The following ACTN2 variants were observed in gnomAD, a reference collection of about 807,000 sequenced individuals.
The protein encoded by ACTN2 is actinin alpha 2.
Under a neutral mutation model 113.8 loss-of-function variants are expected in ACTN2, and 39 were observed. The ratio of observed to expected loss-of-function variants is 0.34; its 90% CI spans 0.27 to 0.45. The LOEUF (loss-of-function observed/expected upper bound fraction) is 0.45. Ranked by LOEUF, ACTN2 falls within the 20% of genes least tolerant of loss-of-function variation. The probability of loss-of-function intolerance (pLI) is 1.00; values close to 1 mark genes in which losing one functional copy is unlikely to be tolerated. For synonymous variants in ACTN2, 429 were observed against 444.1 expected, an observed-to-expected ratio of 0.97 and a Z score of 0.43; for missense variants, 992 against 1,177.9, an observed-to-expected ratio of 0.84 and a Z score of 2.31.
chr1:236,699,396 T>C (rs1657609400), intron 1 of ACTN2, among the ~76,000 whole-genome samples: 1 of 152,168 alleles, frequency 6.6e-6, no homozygotes, highest in South Asian at 2.1e-4. Flanking sequence ...AGGAGTTGCA[T>C]TGTCCAACAG....
chr1:236,737,296 G>GGTAT lies in ACTN2; in HGVS notation c.876+83_876+84insTATG. On this transcript the variant is annotated intron_variant, in intron 9 of 20. Transcript: ENST00000366578. ...AGAGGGTGAAAAAATACTCCGTGGGGGCATATATATATATATATATATTTT... is the reference window on the plus strand; with the variant it reads ...AGAGGGTGAAAAAATACTCCGTGGGGGTATGCATATATATATATATATATATTTT... 7 of 388,074 alleles carry GGTAT rather than the reference G, an allele frequency of 1.8e-5. 1 individual carries two copies. The East Asian group carries it at 3.4e-4, about 19-fold the overall frequency. The allele number at this position is 388,074 out of a possible 1,614,324, so 24.0% of individuals were successfully genotyped here. A position where few individuals can be genotyped will look rare whatever the true frequency, so the allele number is the denominator to read the frequency against.
chr1:236,692,501 G>A (rs1283922524), intron 1 of ACTN2, among the ~76,000 whole-genome samples: 1 of 152,150 alleles, frequency 6.6e-6, no homozygotes, highest in Non-Finnish European at 1.5e-5. Context: ...GGAGGGAGAG[G>A]TGGAATTGTA....
At chr1:236,701,203 C>T (rs577880890) in intron 1 of ACTN2, among the ~76,000 whole-genome samples, 2 of 152,184 alleles carry the variant, frequency 1.3e-5, no homozygotes, top group Non-Finnish European at 2.9e-5. Flanking sequence ...TGAGGACATA[C>T]ACAGGCAGCC....
chr1:236,691,008 G>A (rs1234826181), intron 1 of ACTN2, among the ~76,000 whole-genome samples: 2 of 147,824 alleles, frequency 1.4e-5, no homozygotes, highest in African/African-American at 2.5e-5. Context: ...TGTGATCTCA[G>A]CTCACTGCAG....
At chr1:236,725,375 C>G (rs1453359983) in intron 4 of ACTN2, among the ~76,000 whole-genome samples, 2 of 152,118 alleles carry the variant, frequency 1.3e-5, no homozygotes, top group African/African-American at 4.8e-5. Flanking sequence ...CACCTAAAAT[C>G]CCAGCACTTT....
chr1:236,753,830 C>T (rs1242709085), intron 15 of ACTN2, 117 bp from the exon 16 acceptor site: 3 of 1,214,638 alleles, frequency 2.5e-6, no homozygotes, highest in Non-Finnish European at 3.6e-6. Flanking sequence ...CACCCTCCTC[C>T]CTTCGTTTCT....
intron 1 of ACTN2, among the ~76,000 whole-genome samples, chr1:236,716,874 A>T (rs1658233425): frequency 2.5e-5 from 3 of 119,806 alleles, no homozygotes; most frequent in African/African-American, 9.7e-5. Context: ...TCACTCTGTC[A>T]CCCAGACTGG....
intron 15 of ACTN2, among the ~76,000 whole-genome samples, chr1:236,752,547 G>A (rs996896805): frequency 1.2e-4 from 18 of 151,708 alleles, no homozygotes; most frequent in African/African-American, 3.9e-4. Flanking sequence ...TTTATTTTTC[G>A]TTTTTATTAT....
intron 12 of ACTN2, among the ~76,000 whole-genome samples, chr1:236,745,010 C>G (rs947871577): frequency 2.0e-5 from 3 of 152,168 alleles, no homozygotes; most frequent in Non-Finnish European, 4.4e-5. Context: ...ACAGGCAGCT[C>G]CGCTTCCAGC....
intron 9 of ACTN2, 52 bp from the exon 10 acceptor site, chr1:236,739,250 G>T (rs1337157511): frequency 2.5e-6 from 4 of 1,573,992 alleles, no homozygotes; most frequent in Admixed American, 1.7e-5. Context: ...TTTTTAACTG[G>T]GGGAGGGGGC....
intron 1 of ACTN2, among the ~76,000 whole-genome samples, chr1:236,715,920 C>T (rs1256002094): frequency 3.3e-5 from 5 of 152,062 alleles, no homozygotes; most frequent in Admixed American, 6.6e-5. Flanking sequence ...CATGCCACTG[C>T]ACTCCAGCCT....
intron 1 of ACTN2, among the ~76,000 whole-genome samples, chr1:236,696,952 G>A (rs373586478): frequency 2.2e-4 from 32 of 147,452 alleles, no homozygotes; most frequent in African/African-American, 7.0e-4. Flanking sequence ...ATGAGCCACC[G>A]TGCCCGGCCA....
rs749218263 is a variant in ACTN2 at position 236,757,531 on chromosome 1, A to G, written c.2200A>G (p.Thr734Ala). The change falls in exon 18 of 21, where the codon ACC becomes GCC. Residue 734 changes from threonine to alanine, a missense_variant. This residue lies in a region of ACTN2 where 736 missense variants were observed against 815.4 expected (regional missense o/e 0.90). Transcript: ENST00000366578. The part of the protein sequence containing the change: ...WELLLTTIAR[T>A]INEVETQILT... ...GCTGCTGCTGACAACCATCGCCAGA[A>G]CCATCAATGAGGTGGAGACTCAGAT... is the stretch of plus-strand genomic sequence containing the variant. The G allele has an allele frequency of 1.9e-6, 3 of 1,614,156 alleles. No individual in the cohort carries two copies. The East Asian group carries it at 6.7e-5, about 36-fold the overall frequency.
At chr1:236,736,080 C>T (rs909562934) in intron 8 of ACTN2, among the ~76,000 whole-genome samples, 3 of 152,216 alleles carry the variant, frequency 2.0e-5, no homozygotes, top group Non-Finnish European at 4.4e-5. Flanking sequence ...CCAACCCGGC[C>T]TTGTTCTCTG....
intron 10 of ACTN2, 81 bp from the exon 11 acceptor site, chr1:236,742,815 T>A (rs972196609): frequency 7.1e-6 from 11 of 1,556,284 alleles, no homozygotes; most frequent in Middle Eastern, 3.5e-4. Context: ...GTGGAGGGAT[T>A]TATAGAAGAA....
chr1:236,740,293 T>C (rs998133684), intron 10 of ACTN2, among the ~76,000 whole-genome samples: 11 of 151,840 alleles, frequency 7.2e-5, no homozygotes, highest in Non-Finnish European at 1.5e-4. Flanking sequence ...TTTGTATTTT[T>C]AGTAGAGAAG....
At chr1:236,720,815 A>T (rs1006731211) in intron 4 of ACTN2, among the ~76,000 whole-genome samples, 3 of 152,062 alleles carry the variant, frequency 2.0e-5, no homozygotes, top group African/African-American at 7.2e-5. Context: ...TGGCATTCTT[A>T]AAATTGGAAC....
chr1:236,690,789 A>AT (rs1666051654), intron 1 of ACTN2, among the ~76,000 whole-genome samples: 1 of 152,196 alleles, frequency 6.6e-6, no homozygotes, highest in African/African-American at 2.4e-5. Context: ...CATTTTAATC[A>AT]TAAGTGTACA....
chr1:236,740,897 C>G (rs1459977584), intron 10 of ACTN2, among the ~76,000 whole-genome samples: 1 of 152,134 alleles, frequency 6.6e-6, no homozygotes, highest in Non-Finnish European at 1.5e-5. Context: ...GTTTCTTCCT[C>G]CTTCACCAGC....
Sources: gnomAD v4.1 joint callset for allele counts (sites outside exome capture counted in the v4.1 genomes callset) on GRCh38, gnomAD v4.1.1 for gene constraint, gnomAD v4.1.1 regional missense constraint, MANE v1.5 for transcripts, NCBI Gene and HGNC (gene_info 2026-07-23, HGNC 2026-07-21) for gene names.